The following GSE1 variants were observed in gnomAD, a reference collection of about 807,000 sequenced individuals.
The protein encoded by GSE1 is Gse1 coiled-coil protein.
Under a neutral mutation model 112.6 loss-of-function variants are expected in GSE1, and 32 were observed. That is an observed-to-expected ratio of 0.28 (90% CI 0.21 to 0.38). The LOEUF (loss-of-function observed/expected upper bound fraction) is 0.38. Ranked by LOEUF, GSE1 falls within the 10% of genes least tolerant of loss-of-function variation. The pLI is 1.00. For synonymous variants in GSE1, 1,115 were observed against 735.6 expected, an observed-to-expected ratio of 1.52 and a Z score of -8.35; for missense variants, 2,348 against 1,699.2, an observed-to-expected ratio of 1.38 and a Z score of -6.71.
At chr16:85,209,277 C>T (rs1410303737) in intron 1 of GSE1, among the ~76,000 whole-genome samples, 1 of 152,150 alleles carries the variant, frequency 6.6e-6, no homozygotes, top group Admixed American at 6.5e-5. Context: ...GAAACTGAGG[C>T]ACCGAGGATT....
At chr16:85,587,382 C>G (rs776982228) in intron 1 of GSE1, among the ~76,000 whole-genome samples, 1 of 152,224 alleles carries the variant, frequency 6.6e-6, no homozygotes, top group African/African-American at 2.4e-5. Context: ...AACCTTCCCC[C>G]GGCCCTGGCC....
chr16:85,615,438 C>T (rs987801226), intron 1 of GSE1, among the ~76,000 whole-genome samples: 34 of 152,222 alleles, frequency 2.2e-4, no homozygotes, highest in Admixed American at 2.2e-3. Flanking sequence ...GCTTTTGTCA[C>T]TCTGGCAGCA....
intron 2 of GSE1, among the ~76,000 whole-genome samples, chr16:85,416,926 G>A (rs778022757): frequency 1.9e-4 from 29 of 152,164 alleles, no homozygotes; most frequent in Admixed American, 1.8e-3. Flanking sequence ...CACGATCATG[G>A]TCGCTGCAGC....
Position 85,662,112 on chromosome 16 carries a change from C to T in GSE1, c.2260+347C>T, listed in dbSNP as rs559887283. On this transcript the variant is annotated intron_variant, in intron 9 of 15. Transcript: ENST00000253458. The stretch of plus-strand genomic sequence containing the variant: ...TAATAGTGCAGCATAACAGGAGAGC[C>T]GGCCTGGGCTCAGCGGGGGCTCCAC... 9.2e-5 allele frequency among the ~76,000 whole-genome samples: 14 copies of T among 152,308 alleles called. No individual in the cohort carries two copies. In the South Asian group the frequency reaches 1.0e-3, roughly 11 times the overall value.
chr16:85,363,349 C>A (rs2047122456), intron 2 of GSE1, among the ~76,000 whole-genome samples: 1 of 152,196 alleles, frequency 6.6e-6, no homozygotes, highest in Non-Finnish European at 1.5e-5. Flanking sequence ...TTCCTTCTGC[C>A]CCAGTAGCTG....
At chr16:85,221,377 A>C (rs533335410) in intron 1 of GSE1, among the ~76,000 whole-genome samples, 2 of 151,890 alleles carry the variant, frequency 1.3e-5, no homozygotes, top group Admixed American at 6.6e-5. Context: ...CATATACTAC[A>C]CACACCCACA....
At chr16:85,612,307 C>T (rs982104311), upstream of GSE1, among the ~76,000 whole-genome samples, 5 of 151,992 alleles carry the variant, frequency 3.3e-5, no homozygotes, top group Admixed American at 6.5e-5. Flanking sequence ...CCTTCAGTCC[C>T]TCTCCGCGCC....
At chr16:85,555,329 C>T (rs769350317), upstream of GSE1, 119 of 985,108 alleles carry the variant, frequency 1.2e-4, 1 homozygote, top group Non-Finnish European at 1.4e-4. Context: ...GTTCTTTCTC[C>T]TCCTCCTTCC....
intron 2 of GSE1, among the ~76,000 whole-genome samples, chr16:85,433,960 C>T (rs2049182712): frequency 6.6e-6 from 1 of 152,088 alleles, no homozygotes; most frequent in South Asian, 2.1e-4. Flanking sequence ...CATAATTCCT[C>T]ATATCCCTAG....
At position 85,671,051 on chromosome 16, in the gene GSE1, C is replaced by T; in HGVS notation, c.3472C>T (p.His1158Tyr). Residue 1158 changes from histidine (H) to tyrosine (Y), a missense_variant, in exon 15 of 16, where the codon CAC (histidine) becomes TAC (tyrosine). Transcript: ENST00000253458. ...QTQCRRLEAR[H>Y]YSLSLTAEQL... ...ACAATGTAGACGACTGGAGGCCCGG[C>T]ACTACAGCCTCAGCCTGACGGCAGA... is the stretch of plus-strand genomic sequence containing the variant. 2.5e-6 allele frequency: 4 copies of T among 1,612,556 alleles called. No homozygotes were observed. The highest frequency in any genetic ancestry group is 1.7e-4 in the Middle Eastern group (1 of 6,054).
At chr16:85,267,477 G>T (rs1011770297) in intron 1 of GSE1, among the ~76,000 whole-genome samples, 1 of 152,108 alleles carries the variant, frequency 6.6e-6, no homozygotes, top group Non-Finnish European at 1.5e-5. Context: ...GTGGGGGAAT[G>T]GGGAGGTGCC....
At chr16:85,555,720 T>A (rs2045173471), upstream of GSE1, 9 of 961,330 alleles carry the variant, frequency 9.4e-6, no homozygotes, top group Non-Finnish European at 1.1e-5. Flanking sequence ...TGAAACCCTG[T>A]TGGAAACAGG....
At chr16:85,611,876 A>C (rs1598374840), upstream of GSE1, among the ~76,000 whole-genome samples, 2 of 114,862 alleles carry the variant, frequency 1.7e-5, no homozygotes, top group African/African-American at 3.2e-5. Flanking sequence ...GGAGGGAGGA[A>C]GGCGGGGGAG....
intron 1 of GSE1, among the ~76,000 whole-genome samples, chr16:85,191,619 CT>C (rs2074822959): frequency 6.6e-6 from 1 of 152,192 alleles, no homozygotes; most frequent in African/African-American, 2.4e-5. Flanking sequence ...AGATGGAACT[CT>C]ACGTGCCGCT....
chr16:85,221,332 A>ACCCC (rs1328328303), intron 1 of GSE1, among the ~76,000 whole-genome samples: 13 of 143,134 alleles, frequency 9.1e-5, no homozygotes, highest in Admixed American at 5.5e-4. Context: ...ACACACACAC[A>ACCCC]CACCCCAAGT....
chr16:85,387,674 T>C (rs1276206014), intron 2 of GSE1, among the ~76,000 whole-genome samples: 1 of 152,254 alleles, frequency 6.6e-6, no homozygotes, highest in Non-Finnish European at 1.5e-5. Flanking sequence ...TTTCTTCTTT[T>C]AAACATCTCT....
intron 1 of GSE1, among the ~76,000 whole-genome samples, chr16:85,339,603 C>A (rs954733889): frequency 1.2e-4 from 12 of 102,068 alleles, no homozygotes; most frequent in Non-Finnish European, 2.1e-4. Context: ...GATTTCTTTC[C>A]GTGGATGTGC....
intron 2 of GSE1, among the ~76,000 whole-genome samples, chr16:85,400,178 C>G (rs992059446): frequency 6.6e-6 from 1 of 152,248 alleles, no homozygotes; most frequent in Non-Finnish European, 1.5e-5. Context: ...CCGCCAGACG[C>G]CCCACAGGCC....
chr16:85,644,483 C>T (rs1355916091), intron 2 of GSE1, among the ~76,000 whole-genome samples: 5 of 152,168 alleles, frequency 3.3e-5, no homozygotes, highest in South Asian at 2.1e-4. Flanking sequence ...GTCACTTAGC[C>T]GCGGGAAGGA....
Sources: allele counts gnomAD v4.1 joint callset (sites outside exome capture counted in the v4.1 genomes callset), GRCh38; gene constraint gnomAD v4.1.1; transcripts MANE v1.5; gene names NCBI Gene and HGNC (gene_info 2026-07-23, HGNC 2026-07-21).